ATAD2B: variants seen among roughly 807,000 people sequenced by gnomAD.
ATAD2B encodes ATPase family AAA domain-containing protein 2B.
In ATAD2B, 40 loss-of-function variants were observed where a neutral mutation model predicts 167.6. That is an observed-to-expected ratio of 0.24 (90% confidence interval 0.19 to 0.31). The LOEUF (loss-of-function observed/expected upper bound fraction) is 0.31, where lower values mean the gene tolerates loss of function less well. ATAD2B is among the 10% of genes least tolerant of loss of function. The pLI, the probability that ATAD2B is intolerant of heterozygous loss-of-function variation, is 1.00. For missense variants in ATAD2B, 1,242 were observed against 1,757.2 expected, an observed-to-expected ratio of 0.71 and a Z score of 5.24; for synonymous variants, 579 against 596.5, an observed-to-expected ratio of 0.97 and a Z score of 0.43.
chr2:23,884,983 G>T, intron 5 of ATAD2B, 110 bp from the exon 6 acceptor site: 1 of 471,210 alleles, frequency 2.1e-6, no homozygotes, highest in Non-Finnish European at 3.6e-6. Context: ...GCACCTATTT[G>T]CGTGCCATAG....
chr2:23,913,005 TAAAC>T (rs988466839), intron 1 of ATAD2B, among the ~76,000 whole-genome samples: 2 of 151,948 alleles, frequency 1.3e-5, no homozygotes, highest in African/African-American at 4.8e-5. Flanking sequence ...CAAAAATAAA[TAAAC>T]AAATAAATAA....
At position 23,782,997 on chromosome 2, in the gene ATAD2B, G is replaced by T; in HGVS notation, c.3005C>A (p.Pro1002Gln). ...VSDYLEVIKE[P>Q]MDLSTVITKI... is the part of the protein sequence containing the mutation. ...AGTTATTACTGTTGATAAGTCCATT[G>T]GTTCCTTGATTACTTCAAGATAATC... is the stretch of plus-strand genomic sequence containing the variant. The change falls in exon 22 of 28, where the codon CCA becomes CAA. Residue 1002 changes from proline to glutamine, a missense_variant. Transcript: ENST00000238789. 1 of 1,559,408 alleles carries T rather than the reference G, an allele frequency of 6.4e-7. No individual in the cohort carries two copies. Among genetic ancestry groups the T allele is most frequent in the Non-Finnish European group, 8.8e-7 (1 of 1,135,214 alleles).
At chr2:23,690,375 T>C in the ATAD2B span, 126,653 of 152,236 alleles carry the variant, frequency 0.83, 54,928 homozygotes, top group East Asian at 1. Context: ...AGGCACCCAG[T>C]GCCCCCAGCT....
At chr2:23,682,259 T>C in the ATAD2B span, among the ~76,000 whole-genome samples, 1 of 152,154 alleles carries the variant, frequency 6.6e-6, no homozygotes, top group Non-Finnish European at 1.5e-5. The surrounding 1 kb of genome is among the most constrained non-coding windows in gnomAD (Gnocchi z 4.1). Flanking sequence ...TCCCACCCGC[T>C]GAGCGCTCCC....
At chr2:23,758,624 G>A (rs902620550) in intron 24 of ATAD2B, among the ~76,000 whole-genome samples, 1 of 152,148 alleles carries the variant, frequency 6.6e-6, no homozygotes, top group Non-Finnish European at 1.5e-5. Context: ...CCAGAAAAAG[G>A]AATCACCCAA....
chr2:23,897,159 G>C (rs529719229), intron 1 of ATAD2B, among the ~76,000 whole-genome samples: 1 of 152,234 alleles, frequency 6.6e-6, no homozygotes, highest in African/African-American at 2.4e-5. Context: ...CATTCTCTAG[G>C]ATGACCCTCA....
chr2:23,790,999 A>T (rs562785262), intron 19 of ATAD2B, among the ~76,000 whole-genome samples: 24 of 152,210 alleles, frequency 1.6e-4, no homozygotes, highest in Admixed American at 9.2e-4. Context: ...ACAACCACTG[A>T]TAATGCTTTC....
At chr2:23,871,011 G>A (rs576671339) in intron 8 of ATAD2B, among the ~76,000 whole-genome samples, 5 of 151,670 alleles carry the variant, frequency 3.3e-5, no homozygotes, top group African/African-American at 9.7e-5. Flanking sequence ...GTGTGCTCAC[G>A]AAGTGTTCAA....
chr2:23,788,460 G>T, intron 20 of ATAD2B, 52 bp downstream of exon 20: 2 of 1,568,996 alleles, frequency 1.3e-6, no homozygotes, highest in Admixed American at 1.8e-5. Context: ...CCAAGAAAGG[G>T]TATTTCTTAA....
At chr2:23,885,855 T>C in intron 4 of ATAD2B, 26 bp from the exon 5 acceptor site, 1 of 1,383,890 alleles carries the variant, frequency 7.2e-7, no homozygotes, top group Non-Finnish European at 1.0e-6. Context: ...AAAATCAGGA[T>C]TTAGACAATG....
chr2:23,873,616 C>G (rs1441698383), intron 8 of ATAD2B, among the ~76,000 whole-genome samples: 1 of 152,098 alleles, frequency 6.6e-6, no homozygotes, highest in Non-Finnish European at 1.5e-5. Context: ...AGTCATCAAG[C>G]TGTATTTTTT....
chr2:23,880,410 G>A (rs955023295), intron 7 of ATAD2B, among the ~76,000 whole-genome samples: 5 of 151,590 alleles, frequency 3.3e-5, no homozygotes, highest in Non-Finnish European at 5.9e-5. Context: ...GGATGGTCTC[G>A]AGCTCCTGAC....
intron 19 of ATAD2B, among the ~76,000 whole-genome samples, chr2:23,793,928 CAT>C (rs1682207483): frequency 1.3e-5 from 2 of 152,142 alleles, no homozygotes; most frequent in Admixed American, 6.5e-5. Flanking sequence ...AAGAATAAAA[CAT>C]ATATTCTTTT....
At chr2:23,705,609 T>C in the ATAD2B span, among the ~76,000 whole-genome samples, 1 of 151,988 alleles carries the variant, frequency 6.6e-6, no homozygotes, top group African/African-American at 2.4e-5. Context: ...CCAGATGGCA[T>C]GAACTAAGGG....
chr2:23,826,230 T>C (rs1046209606), intron 15 of ATAD2B, among the ~76,000 whole-genome samples: 3 of 152,156 alleles, frequency 2.0e-5, no homozygotes, highest in Non-Finnish European at 4.4e-5. Flanking sequence ...ACTACTGATT[T>C]AACATACTTC....
the ATAD2B span, chr2:23,684,601 C>G: frequency 7.2e-7 from 1 of 1,393,900 alleles, no homozygotes; most frequent in Non-Finnish European, 9.6e-7. This position sits in a 1 kb window ranked among gnomAD's most constrained non-coding sequence, Gnocchi z 4.4. Flanking sequence ...TGTCGCTTTT[C>G]TCTTCCCCTC....
At chr2:23,807,275 C>T (rs976570015) in intron 18 of ATAD2B, among the ~76,000 whole-genome samples, 10 of 131,804 alleles carry the variant, frequency 7.6e-5, no homozygotes, top group African/African-American at 2.9e-4. Context: ...AGTGTGTACA[C>T]ACACATGCAC....
chr2:23,775,217 G>GTTTTTTTTTTTTT (rs201108358), intron 22 of ATAD2B, among the ~76,000 whole-genome samples: 1 of 144,370 alleles, frequency 6.9e-6, no homozygotes, highest in African/African-American at 2.5e-5. Flanking sequence ...ATTTTTTTAT[G>GTTTTTTTTTTTTT]TTTTATTTTT....
the ATAD2B span, among the ~76,000 whole-genome samples, chr2:23,679,143 A>G: frequency 6.6e-6 from 1 of 152,200 alleles, no homozygotes; most frequent in East Asian, 1.9e-4. Context: ...TCCATCATCT[A>G]TTCATGCCTT....
Sources: allele counts gnomAD v4.1 joint callset (sites outside exome capture counted in the v4.1 genomes callset), GRCh38; gene constraint gnomAD v4.1.1; non-coding constraint Gnocchi (gnomAD v3.1); transcripts MANE v1.5; gene names NCBI Gene and HGNC (gene_info 2026-07-23, HGNC 2026-07-21).